Variants in PRP4K observed in about 807,000 individuals in gnomAD.
PRP4K encodes pre-mRNA processing factor kinase PRP4K.
chr6:4,059,044 C>T, the PRP4K span, among the ~76,000 whole-genome samples: 2 of 152,170 alleles, frequency 1.3e-5, no homozygotes, highest in Admixed American at 6.5e-5. Flanking sequence ...TTTAGGCCCT[C>T]GTCACATCTT....
the PRP4K span, among the ~76,000 whole-genome samples, chr6:4,026,308 T>C: frequency 7.1e-6 from 1 of 141,176 alleles, no homozygotes; most frequent in African/African-American, 2.7e-5. Context: ...CCAGCCTTTT[T>C]TTTTTTTTTT....
the PRP4K span, among the ~76,000 whole-genome samples, chr6:4,047,901 TACACACACAC>T: frequency 0.089 from 12,672 of 142,052 alleles, 576 homozygotes; most frequent in Non-Finnish European, 0.094. Flanking sequence ...CATGTATATG[TACACACACAC>T]ACACACACAC....
the PRP4K span, chr6:4,056,275 ATTAT>A: frequency 7.3e-7 from 1 of 1,372,044 alleles, no homozygotes; most frequent in Non-Finnish European, 1.0e-6. Context: ...ATTTGTATTA[ATTAT>A]TCCTGGCTTG....
chr6:4,053,536 C>T, the PRP4K span, among the ~76,000 whole-genome samples: 6 of 138,546 alleles, frequency 4.3e-5, no homozygotes, highest in South Asian at 2.4e-4. Context: ...TAATTCTCTT[C>T]GACTAGTGAC....
the PRP4K span, among the ~76,000 whole-genome samples, chr6:4,044,415 A>G: frequency 6.6e-6 from 1 of 152,306 alleles, no homozygotes; most frequent in South Asian, 2.1e-4. Flanking sequence ...TTTGTATAGG[A>G]AAGGCAGGGT....
At chr6:4,043,732 A>G in the PRP4K span, 2 of 1,333,402 alleles carry the variant, frequency 1.5e-6, no homozygotes, top group African/African-American at 1.5e-5. Flanking sequence ...TTAACTTTTC[A>G]CTGCAGCAAC....
the PRP4K span, chr6:4,053,018 T>TA: frequency 1.3e-6 from 1 of 741,868 alleles, no homozygotes; most frequent in Non-Finnish European, 1.9e-6. Flanking sequence ...AATACTTTTT[T>TA]ATCTTTCTTG....
the PRP4K span, among the ~76,000 whole-genome samples, chr6:4,048,175 G>A: frequency 8.5e-5 from 13 of 152,066 alleles, no homozygotes; most frequent in East Asian, 1.9e-4. Flanking sequence ...TCAGGAGATC[G>A]AGACCATCCT....
chr6:4,025,834 A>G, the PRP4K span, among the ~76,000 whole-genome samples: 3 of 152,208 alleles, frequency 2.0e-5, no homozygotes, highest in East Asian at 1.9e-4. Flanking sequence ...GGTTGATGAA[A>G]TGTAAGTAAT....
At chr6:4,034,860 G>A in the PRP4K span, among the ~76,000 whole-genome samples, 2 of 149,730 alleles carry the variant, frequency 1.3e-5, no homozygotes, top group Non-Finnish European at 3.0e-5. Flanking sequence ...TTACAGACAC[G>A]CACCACCATG....
the PRP4K span, chr6:4,064,247 T>C: frequency 1.3e-5 from 2 of 152,624 alleles, no homozygotes; most frequent in Admixed American, 1.3e-4. Context: ...CTAACAAAAA[T>C]AAGTACTCAG....
chr6:4,061,894 T>C, the PRP4K span: 1 of 152,654 alleles, frequency 6.6e-6, no homozygotes, highest in African/African-American at 2.4e-5. Flanking sequence ...ATAAAGTCTT[T>C]TGTGAACAAG....
chr6:4,054,888 A>G, the PRP4K span, among the ~76,000 whole-genome samples: 2 of 152,242 alleles, frequency 1.3e-5, no homozygotes, highest in Admixed American at 6.5e-5. Flanking sequence ...CGTCTTTGTG[A>G]CCATTGTGGA....
At chr6:4,044,039 C>G in the PRP4K span, 2 of 1,604,318 alleles carry the variant, frequency 1.2e-6, no homozygotes, top group Non-Finnish European at 1.7e-6. Context: ...AGAGTTTTGT[C>G]CTGGCGACGC....
At chr6:4,043,058 A>G in the PRP4K span, among the ~76,000 whole-genome samples, 6 of 152,230 alleles carry the variant, frequency 3.9e-5, no homozygotes, top group Non-Finnish European at 8.8e-5. Context: ...AGAATGTTAT[A>G]CAAAGATCTT....
At chr6:4,027,053 G>A in the PRP4K span, among the ~76,000 whole-genome samples, 12 of 152,158 alleles carry the variant, frequency 7.9e-5, no homozygotes, top group Non-Finnish European at 1.6e-4. Context: ...TTTAGAGTGT[G>A]GGGGATGTTG....
chr6:4,038,196 C>T, the PRP4K span, among the ~76,000 whole-genome samples: 1 of 151,964 alleles, frequency 6.6e-6, no homozygotes, highest in Non-Finnish European at 1.5e-5. Context: ...ATATTATAGC[C>T]ATCTTTACAT....
the PRP4K span, among the ~76,000 whole-genome samples, chr6:4,033,760 A>C: frequency 2.6e-5 from 4 of 152,142 alleles, no homozygotes. Context: ...AGAAATTTCA[A>C]ATTTTATTTC....
chr6:4,058,518 T>C, the PRP4K span, among the ~76,000 whole-genome samples: 1 of 152,246 alleles, frequency 6.6e-6, no homozygotes, highest in Non-Finnish European at 1.5e-5. Context: ...TGGACAAATA[T>C]AATTTCATGT....
Sources: allele counts gnomAD v4.1 joint callset (sites outside exome capture counted in the v4.1 genomes callset), GRCh38; gene constraint gnomAD v4.1.1; transcripts MANE v1.5; gene names NCBI Gene and HGNC (gene_info 2026-07-23, HGNC 2026-07-21).